Variants in LRRC4C observed in about 807,000 individuals in gnomAD.
LRRC4C encodes the protein leucine-rich repeat-containing protein 4C.
A neutral mutation model predicts 33.6 loss-of-function variants in LRRC4C; 5 were observed. The observed-to-expected ratio is 0.15, with a 90% CI of 0.08 to 0.31. The LOEUF (loss-of-function observed/expected upper bound fraction) is 0.31, where lower values mean the gene tolerates loss of function less well. LRRC4C is among the 10% of genes least tolerant of loss of function. LRRC4C has a pLI of 1.00. For missense variants in LRRC4C, 560 were observed against 796.7 expected (o/e 0.70, Z 3.58); for synonymous variants, 329 against 302.0 (o/e 1.09, Z -0.93).
At chr11:40,862,410 T>A (rs1954148994) in intron 2 of LRRC4C, among the ~76,000 whole-genome samples, 1 of 152,204 alleles carries the variant, frequency 6.6e-6, no homozygotes, top group African/African-American at 2.4e-5. Context: ...AGGCAAAGAA[T>A]CATTTGTTCA....
In LRRC4C at chr11:40,670,253, G is replaced by A. The variant is rs182433915; in HGVS notation, c.-406-21975C>T. ...TTTCTTCATACACTGCGGTGTCCCT[G>A]TACCTACAGTGAAAATTTGAGCCTT... is the stretch of plus-strand genomic sequence containing the variant. On this transcript the variant is annotated intron_variant, in intron 2 of 6. Transcript: ENST00000528697. Among the ~76,000 whole-genome samples the A allele has an allele frequency of 5.3e-5, 8 of 152,304 alleles. 1 individual carries two copies. The highest frequency in any genetic ancestry group is 1.9e-4 in the African/African-American group (8 of 41,572).
intron 1 of LRRC4C, among the ~76,000 whole-genome samples, chr11:40,951,251 C>G (rs976860648): frequency 3.3e-5 from 5 of 151,816 alleles, no homozygotes; most frequent in African/African-American, 7.3e-5. Context: ...AAGAAGAAAG[C>G]CTTGTTTTCC....
At chr11:40,120,616 C>A in intron 6 of LRRC4C, among the ~76,000 whole-genome samples, 1 of 152,080 alleles carries the variant, frequency 6.6e-6, no homozygotes, top group East Asian at 1.9e-4. Flanking sequence ...GTTGGGGTCC[C>A]AGGGTCCTGT....
At chr11:40,626,941 C>A (rs11035973) in intron 3 of LRRC4C, among the ~76,000 whole-genome samples, 1 of 152,106 alleles carries the variant, frequency 6.6e-6, no homozygotes, top group East Asian at 1.9e-4. Flanking sequence ...TATGTAACAA[C>A]GATTTTTCCC....
chr11:40,901,333 G>A (rs1401514495), intron 2 of LRRC4C, among the ~76,000 whole-genome samples: 2 of 151,860 alleles, frequency 1.3e-5, no homozygotes, highest in African/African-American at 4.8e-5. Context: ...TAACTCCAAG[G>A]GCTAACAGTG....
chr11:40,455,582 T>C (rs1952093125), intron 3 of LRRC4C, among the ~76,000 whole-genome samples: 2 of 152,146 alleles, frequency 1.3e-5, no homozygotes, highest in African/African-American at 2.4e-5. Flanking sequence ...TCTGTCCTAT[T>C]CTCTTTTACC....
intron 3 of LRRC4C, among the ~76,000 whole-genome samples, chr11:40,401,342 C>A (rs1485966226): frequency 2.6e-4 from 39 of 151,906 alleles, no homozygotes; most frequent in Non-Finnish European, 8.8e-5. Flanking sequence ...GGGCATTCAC[C>A]TGAAATGTTA....
At chr11:40,180,646 A>G (rs989116585) in intron 5 of LRRC4C, among the ~76,000 whole-genome samples, 8 of 152,180 alleles carry the variant, frequency 5.3e-5, no homozygotes, top group African/African-American at 1.9e-4. Flanking sequence ...CTTACTTAGA[A>G]CAGCTCTTCT....
chr11:41,185,686 T>C (rs1945662778), intron 1 of LRRC4C, among the ~76,000 whole-genome samples: 1 of 152,210 alleles, frequency 6.6e-6, no homozygotes, highest in South Asian at 2.1e-4. Flanking sequence ...ACAAAACTTG[T>C]ATTTGCTATC....
At chr11:41,151,496 T>C (rs1156952895) in intron 1 of LRRC4C, among the ~76,000 whole-genome samples, 1 of 152,210 alleles carries the variant, frequency 6.6e-6, no homozygotes, top group Non-Finnish European at 1.5e-5. Context: ...AGAGTTCGTG[T>C]GCTGCAGTGT....
intron 3 of LRRC4C, among the ~76,000 whole-genome samples, chr11:40,416,235 G>T (rs1273814149): frequency 6.6e-6 from 1 of 152,100 alleles, no homozygotes; most frequent in African/African-American, 2.4e-5. Context: ...TATGTATCTG[G>T]CCCTAGCTGT....
intron 4 of LRRC4C, among the ~76,000 whole-genome samples, chr11:40,249,139 A>G (rs1041963601): frequency 6.6e-6 from 1 of 152,154 alleles, no homozygotes; most frequent in African/African-American, 2.4e-5. Flanking sequence ...GGAGTTCAAT[A>G]CCAGACTGGC....
chr11:40,203,944 A>AC (rs1862956082), intron 5 of LRRC4C, among the ~76,000 whole-genome samples: 2 of 152,176 alleles, frequency 1.3e-5, no homozygotes, highest in Non-Finnish European at 1.5e-5. Flanking sequence ...GTTTTTAGAG[A>AC]TAGAGTCTCA....
At chr11:41,413,549 T>C (rs1327499281) in intron 1 of LRRC4C, among the ~76,000 whole-genome samples, 1 of 152,182 alleles carries the variant, frequency 6.6e-6, no homozygotes, top group Non-Finnish European at 1.5e-5. Context: ...AATCTGAGTT[T>C]AGAAATGTTT....
intron 1 of LRRC4C, among the ~76,000 whole-genome samples, chr11:41,011,021 C>T (rs573429214): frequency 3.5e-4 from 54 of 152,244 alleles, no homozygotes; most frequent in Admixed American, 1.2e-3. Flanking sequence ...CTGGCTTGAA[C>T]AAGTCATTTG....
intron 2 of LRRC4C, among the ~76,000 whole-genome samples, chr11:40,883,547 T>A (rs1461505105): frequency 1.3e-5 from 2 of 152,088 alleles, no homozygotes; most frequent in African/African-American, 4.8e-5. Flanking sequence ...CCAAATCAGT[T>A]CATCAACTCA....
At chr11:41,397,086 G>T (rs570119819) in intron 1 of LRRC4C, among the ~76,000 whole-genome samples, 140 of 152,056 alleles carry the variant, frequency 9.2e-4, no homozygotes, top group Non-Finnish European at 1.4e-3. Flanking sequence ...AAATAGTGAG[G>T]TCAGATGCAA....
intron 3 of LRRC4C, among the ~76,000 whole-genome samples, chr11:40,380,165 T>A (rs1948810068): frequency 4.6e-5 from 7 of 152,182 alleles, no homozygotes; most frequent in Admixed American, 4.6e-4. Flanking sequence ...GAGGAGGCTA[T>A]GCTTCAATTA....
chr11:41,000,507 T>C (rs1445383891), intron 1 of LRRC4C, among the ~76,000 whole-genome samples: 6 of 152,304 alleles, frequency 3.9e-5, no homozygotes, highest in Non-Finnish European at 7.4e-5. Context: ...TATATGTTTA[T>C]TAATTAGTTA....
Sources: gnomAD v4.1 joint callset for allele counts (sites outside exome capture counted in the v4.1 genomes callset) on GRCh38, gnomAD v4.1.1 for gene constraint, MANE v1.5 for transcripts, NCBI Gene and HGNC (gene_info 2026-07-23, HGNC 2026-07-21) for gene names.